Variants in ZHX2 observed in about 807,000 individuals in gnomAD.
ZHX2 encodes the protein zinc fingers and homeoboxes 2.
A neutral mutation model predicts 21.9 loss-of-function variants in ZHX2; 6 were observed. That is an observed-to-expected ratio of 0.27 (90% CI 0.15 to 0.54). ZHX2 has a LOEUF of 0.54. Among genes scored for constraint, ZHX2 ranks in the 20% least tolerant of loss-of-function variants. The pLI is 0.95. For synonymous variants in ZHX2, 434 were observed against 437.1 expected (o/e 0.99, Z 0.09); for missense variants, 908 against 1,090.7 (o/e 0.83, Z 2.36).
intron 1 of ZHX2, chr8:122,807,752 G>T (rs932757620): frequency 6.6e-6 from 1 of 152,192 alleles, no homozygotes; most frequent in Non-Finnish European, 1.5e-5. Context: ...CCACCTTCTC[G>T]GGTGGATACT....
chr8:122,965,034 T>C (rs1048402455), intron 3 of ZHX2, among the ~76,000 whole-genome samples: 2 of 87,740 alleles, frequency 2.3e-5, no homozygotes, highest in African/African-American at 7.0e-5. Context: ...CTCTCTTCTG[T>C]TTTTTTTTTT....
At chr8:122,798,628 C>T (rs750259432) in intron 1 of ZHX2, among the ~76,000 whole-genome samples, 76 of 151,920 alleles carry the variant, frequency 5.0e-4, no homozygotes, top group Non-Finnish European at 1.0e-3. Flanking sequence ...ACTAAAAATA[C>T]AAAAATTAGC....
intron 2 of ZHX2, among the ~76,000 whole-genome samples, chr8:122,885,479 GT>G (rs1723847208): frequency 6.6e-6 from 1 of 152,148 alleles, no homozygotes; most frequent in Non-Finnish European, 1.5e-5. Context: ...GAGCGTAGGA[GT>G]TTTCTTGGAG....
intron 2 of ZHX2, among the ~76,000 whole-genome samples, chr8:122,945,450 A>AAAAAG (rs1208470549): frequency 6.6e-6 from 1 of 151,002 alleles, no homozygotes; most frequent in African/African-American, 2.4e-5. Flanking sequence ...AAAAAAAAAA[A>AAAAAG]AAAAAAAAAA....
At chr8:122,801,585 CAAA>C (rs34318877) in intron 1 of ZHX2, among the ~76,000 whole-genome samples, 115 of 124,784 alleles carry the variant, frequency 9.2e-4, no homozygotes, top group African/African-American at 2.8e-3. Context: ...GCCATCTCTA[CAAA>C]AAAAAAAAAA....
intron 2 of ZHX2, among the ~76,000 whole-genome samples, chr8:122,945,022 A>T (rs1211375739): frequency 1.3e-5 from 2 of 152,176 alleles, no homozygotes; most frequent in Non-Finnish European, 2.9e-5. Context: ...GAAGACGGTC[A>T]TCTCCAAGCT....
At chr8:122,892,477 G>T (rs1387830881) in intron 2 of ZHX2, among the ~76,000 whole-genome samples, 1 of 151,882 alleles carries the variant, frequency 6.6e-6, no homozygotes, top group Non-Finnish European at 1.5e-5. Flanking sequence ...ACTGTTTTCT[G>T]GTTGTTTTGT....
At chr8:122,919,154 C>A (rs1457001151) in intron 2 of ZHX2, among the ~76,000 whole-genome samples, 1 of 152,168 alleles carries the variant, frequency 6.6e-6, no homozygotes, top group Non-Finnish European at 1.5e-5. Context: ...ACAGCACTTG[C>A]TAATCTCTCG....
At position 122,787,561 on chromosome 8, in the gene ZHX2, T is replaced by C. The variant is rs543488684; in HGVS notation, c.-283+5615T>C. Among the ~76,000 whole-genome samples, 9 of 152,294 alleles carry C rather than the reference T, an allele frequency of 5.9e-5. No homozygotes were observed. The East Asian group carries it at 1.5e-3, about 26-fold the overall frequency. On this transcript the variant is annotated intron_variant, in intron 1 of 3. Coordinates refer to ENST00000314393, the MANE Select transcript of ZHX2 (RefSeq NM_014943.5). ...GCTGAGTTTATCTTTCAGAGAGAAATCAGCAAAATCCTGGGGACCATTTCC... is the reference window on the plus strand; with the variant it reads ...GCTGAGTTTATCTTTCAGAGAGAAACCAGCAAAATCCTGGGGACCATTTCC...
At chr8:122,902,699 C>A (rs1820259910) in intron 2 of ZHX2, among the ~76,000 whole-genome samples, 1 of 152,088 alleles carries the variant, frequency 6.6e-6, no homozygotes, top group Non-Finnish European at 1.5e-5. Flanking sequence ...AGTATTTACC[C>A]CATAGGATGA....
At chr8:122,949,100 A>G (rs1429558592) in intron 2 of ZHX2, among the ~76,000 whole-genome samples, 1 of 151,934 alleles carries the variant, frequency 6.6e-6, no homozygotes, top group Non-Finnish European at 1.5e-5. Flanking sequence ...CAAGGCAGGC[A>G]GATCACCTGA....
chr8:122,906,762 C>G (rs1342985195), intron 2 of ZHX2, among the ~76,000 whole-genome samples: 1 of 150,800 alleles, frequency 6.6e-6, no homozygotes, highest in Non-Finnish European at 1.5e-5. Context: ...CTTCCTCCTC[C>G]AGGGTTTAAG....
intron 2 of ZHX2, among the ~76,000 whole-genome samples, chr8:122,940,294 A>G (rs974038070): frequency 5.9e-5 from 9 of 152,300 alleles, no homozygotes; most frequent in African/African-American, 2.2e-4. Flanking sequence ...TACCTATTGA[A>G]GGGTAGGAAG....
intron 1 of ZHX2, among the ~76,000 whole-genome samples, chr8:122,810,070 C>A (rs1247534352): frequency 6.6e-6 from 1 of 152,004 alleles, no homozygotes; most frequent in Non-Finnish European, 1.5e-5. Flanking sequence ...TTTTTAAAGC[C>A]TCTTAAGAAA....
chr8:122,805,076 G>A (rs1213738296), intron 1 of ZHX2, among the ~76,000 whole-genome samples: 2 of 151,300 alleles, frequency 1.3e-5, no homozygotes, highest in Non-Finnish European at 2.9e-5. Context: ...GGCTGTCTTA[G>A]TTTGGGTCCC....
chr8:122,798,929 A>G (rs1817664559), intron 1 of ZHX2, among the ~76,000 whole-genome samples: 1 of 152,194 alleles, frequency 6.6e-6, no homozygotes, highest in Non-Finnish European at 1.5e-5. Flanking sequence ...TCAGCCAACC[A>G]CTGTGAAAGC....
intron 1 of ZHX2, among the ~76,000 whole-genome samples, chr8:122,825,839 AC>A: frequency 6.6e-6 from 1 of 152,250 alleles, no homozygotes; most frequent in African/African-American, 2.4e-5. Context: ...CGCTGCACCA[AC>A]CCCTTTGGAC....
At chr8:122,871,413 C>G (rs55786818) in intron 2 of ZHX2, among the ~76,000 whole-genome samples, 2,448 of 151,122 alleles carry the variant, frequency 0.016, 63 homozygotes, top group African/African-American at 0.057. Context: ...TCATTCTCAG[C>G]AAACTATCGC....
chr8:122,911,502 C>T (rs1820480170), intron 2 of ZHX2, among the ~76,000 whole-genome samples: 1 of 152,134 alleles, frequency 6.6e-6, no homozygotes, highest in Non-Finnish European at 1.5e-5. Flanking sequence ...CACAGAGACC[C>T]TGGTTTCATG....
Sources: gnomAD v4.1 joint callset for allele counts (sites outside exome capture counted in the v4.1 genomes callset) on GRCh38, gnomAD v4.1.1 for gene constraint, MANE v1.5 for transcripts, NCBI Gene and HGNC (gene_info 2026-07-23, HGNC 2026-07-21) for gene names.